ZW10: variants seen among roughly 807,000 people sequenced by gnomAD.
ZW10 encodes centromere/kinetochore protein zw10 homolog.
In ZW10, 53 loss-of-function variants were observed where a neutral mutation model predicts 87.8. The observed-to-expected ratio is 0.60, with a 90% confidence interval of 0.48 to 0.76. ZW10 has a LOEUF of 0.76. Ranked by LOEUF, ZW10 falls within the 30% of genes least tolerant of loss-of-function variation. The pLI is 0.00. For missense variants in ZW10, 837 were observed against 923.0 expected (o/e 0.91, Z 1.21); for synonymous variants, 312 against 329.2 (o/e 0.95, Z 0.57).
At chr11:113,773,525 T>A in intron 1 of ZW10, 37 bp downstream of exon 1, 1 of 1,572,966 alleles carries the variant, frequency 6.4e-7, no homozygotes. Context: ...GGACCCGGAG[T>A]CCCCTTCCAG....
At chr11:113,746,046 G>A (rs1953673017) in intron 9 of ZW10, among the ~76,000 whole-genome samples, 1 of 152,162 alleles carries the variant, frequency 6.6e-6, no homozygotes, top group Non-Finnish European at 1.5e-5. Context: ...TGGAAGAGGT[G>A]CTACTAGAAT....
intron 1 of ZW10, among the ~76,000 whole-genome samples, chr11:113,769,249 A>T (rs868815523): frequency 4.8e-5 from 7 of 145,768 alleles, no homozygotes; most frequent in South Asian, 4.3e-4. Flanking sequence ...TTAAAAAATT[A>T]AAAAAAAAAA....
intron 13 of ZW10, 53 bp downstream of exon 13, chr11:113,738,211 A>G: frequency 6.6e-7 from 1 of 1,516,454 alleles, no homozygotes. Flanking sequence ...CAAACAAAAA[A>G]AAAGGCATCT....
chr11:113,768,400 CAG>C (rs1268546982), intron 2 of ZW10, among the ~76,000 whole-genome samples: 2 of 152,280 alleles, frequency 1.3e-5, no homozygotes, highest in East Asian at 3.9e-4. Flanking sequence ...GTAAAAGGTA[CAG>C]AGAGCCAATT....
chr11:113,757,539 A>C (rs1290254306), intron 7 of ZW10, 123 bp downstream of exon 7: 1 of 801,652 alleles, frequency 1.2e-6, no homozygotes, highest in African/African-American at 1.8e-5. Flanking sequence ...CTATGGCACA[A>C]TTTACTTACT....
At chr11:113,763,984 T>C (rs969321951) in intron 2 of ZW10, among the ~76,000 whole-genome samples, 1 of 152,254 alleles carries the variant, frequency 6.6e-6, no homozygotes, top group South Asian at 2.1e-4. Flanking sequence ...AGGGTTTTTA[T>C]GGTTTTGGAT....
At chr11:113,739,497 T>C in intron 11 of ZW10, 115 bp from the exon 12 acceptor site, 1 of 903,758 alleles carries the variant, frequency 1.1e-6, no homozygotes, top group East Asian at 2.7e-5. Context: ...GTCTAGTTTC[T>C]AAATGCTATA....
At chr11:113,760,732 A>G (rs967301543) in intron 3 of ZW10, 85 bp downstream of exon 3, 10 of 1,339,774 alleles carry the variant, frequency 7.5e-6, no homozygotes, top group Admixed American at 7.0e-5. Flanking sequence ...GAAGACAAAA[A>G]AACCCATTAT....
intron 2 of ZW10, among the ~76,000 whole-genome samples, chr11:113,766,759 G>A (rs1199459240): frequency 7.0e-6 from 1 of 143,416 alleles, no homozygotes; most frequent in Non-Finnish European, 1.5e-5. Flanking sequence ...GCTCACGCCC[G>A]TAATCCCAGC....
rs765297257 is a variant in ZW10 at position 113,758,693 on chromosome 11, C to G, written c.594G>C (p.Leu198Phe). 4.3e-6 allele frequency: 7 copies of G among 1,613,926 alleles called. No individual in the cohort carries two copies. The South Asian group carries it at 7.7e-5, about 18-fold the overall frequency. ...GAAGTTCAGTTTGTAGGTAAGATTC[C>G]AAACTGCTGGTATCTAAGAAAAAGG... ...KFPPSKDTSSLESYLQTELHL... is the reference protein window; with the variant it reads ...KFPPSKDTSSFESYLQTELHL... Residue 198 changes from leucine (L) to phenylalanine (F), a missense_variant, in exon 6 of 16, where the codon TTG (leucine) becomes TTC (phenylalanine). Leu to Phe is a conservative substitution (Grantham distance 22). Coordinates refer to ENST00000200135, the MANE Select transcript of ZW10 (RefSeq NM_004724.4).
chr11:113,760,861 C>G lies in ZW10; in HGVS notation c.298G>C (p.Glu100Gln). 6.2e-7 allele frequency: 1 copy of G among 1,614,100 alleles called. No individual in the cohort carries two copies. The highest frequency in any genetic ancestry group is 1.1e-5 in the South Asian group (1 of 91,072). ...AAACTTAGGACAACTGAGTCTCTTT[C>G]CAACTGCTGCTTTAAGTCTGTAAAT... ...GEFTDLKQQLERDSVVLSLLK... is the reference protein window; with the variant it reads ...GEFTDLKQQLQRDSVVLSLLK... The change falls in exon 3 of 16, where the codon GAA (glutamate) becomes CAA (glutamine). Residue 100 changes from glutamate to glutamine, a missense_variant. Transcript: ENST00000200135.
chr11:113,757,479 G>A (rs1953802637), intron 7 of ZW10, among the ~76,000 whole-genome samples, 183 bp downstream of exon 7: 1 of 152,190 alleles, frequency 6.6e-6, no homozygotes, highest in African/African-American at 2.4e-5. Context: ...ATACAATGCA[G>A]AGAAGGAATG....
At chr11:113,740,388 A>C (rs546678397) in intron 11 of ZW10, among the ~76,000 whole-genome samples, 1 of 152,252 alleles carries the variant, frequency 6.6e-6, no homozygotes, top group African/African-American at 2.4e-5. Context: ...AAGGAGTTCA[A>C]GACCAGCCTG....
At chr11:113,744,270 C>T (rs1243151359) in intron 9 of ZW10, among the ~76,000 whole-genome samples, 1 of 152,034 alleles carries the variant, frequency 6.6e-6, no homozygotes, top group Non-Finnish European at 1.5e-5. Context: ...GCCTGTAGTC[C>T]CAGCTACTCG....
intron 1 of ZW10, among the ~76,000 whole-genome samples, chr11:113,772,869 C>T (rs1167438960): frequency 3.3e-5 from 5 of 150,720 alleles, no homozygotes; most frequent in Non-Finnish European, 4.4e-5. Context: ...CGCCTGTAAT[C>T]TCAGCTACTC....
intron 2 of ZW10, among the ~76,000 whole-genome samples, chr11:113,764,210 A>G (rs151202070): frequency 0.071 from 10,843 of 152,082 alleles, 499 homozygotes; most frequent in Middle Eastern, 0.17. Context: ...GTTCTGCTCC[A>G]TTGGTCTATA....
intron 2 of ZW10, among the ~76,000 whole-genome samples, chr11:113,766,951 A>T (rs1953914337): frequency 6.6e-6 from 1 of 152,048 alleles, no homozygotes; most frequent in Non-Finnish European, 1.5e-5. Context: ...CAGGAGGCAG[A>T]GGTTGTGGTG....
intron 10 of ZW10, 116 bp from the exon 11 acceptor site, chr11:113,741,881 G>A (rs1953623488): frequency 1.3e-5 from 8 of 607,012 alleles, no homozygotes; most frequent in Non-Finnish European, 2.0e-5. Flanking sequence ...CAGTTGCACA[G>A]AACACCTGCC....
At chr11:113,735,201 T>G (rs943683037) in intron 15 of ZW10, among the ~76,000 whole-genome samples, 3 of 152,174 alleles carry the variant, frequency 2.0e-5, no homozygotes, top group African/African-American at 7.2e-5. Flanking sequence ...GGAAAAAAAT[T>G]TCCTAGGCAG....
Sources: gnomAD v4.1 joint callset for allele counts (sites outside exome capture counted in the v4.1 genomes callset) on GRCh38, gnomAD v4.1.1 for gene constraint, MANE v1.5 for transcripts, NCBI Gene and HGNC (gene_info 2026-07-23, HGNC 2026-07-21) for gene names.